The following MDGA2 variants were observed in gnomAD, a reference collection of about 807,000 sequenced individuals.
The protein encoded by MDGA2 is MAM domain-containing glycosylphosphatidylinositol anchor protein 2.
A neutral mutation model predicts 117.8 loss-of-function variants in MDGA2; 40 were observed. The observed-to-expected ratio is 0.34, with a 90% CI of 0.26 to 0.44. The LOEUF is 0.44. Ranked by LOEUF, MDGA2 falls within the 20% of genes least tolerant of loss-of-function variation. The pLI is 1.00. For missense variants in MDGA2, 1,123 were observed against 1,250.6 expected (o/e 0.90, Z 1.54); for synonymous variants, 452 against 439.0 (o/e 1.03, Z -0.37).
intron 8 of MDGA2, among the ~76,000 whole-genome samples, chr14:47,005,980 C>A (rs111774470): frequency 1.9e-4 from 29 of 151,578 alleles, no homozygotes; most frequent in African/African-American, 6.5e-4. Context: ...AGCTGATTGT[C>A]AGAGGATTAC....
intron 13 of MDGA2, 98 bp downstream of exon 13, chr14:46,873,947 T>G: frequency 9.4e-7 from 1 of 1,066,090 alleles, no homozygotes; most frequent in Admixed American, 2.8e-5. Flanking sequence ...TTTTATTCCA[T>G]AATCTTCAAA....
At chr14:47,637,446 T>A (rs561404924) in intron 1 of MDGA2, among the ~76,000 whole-genome samples, 46 of 152,370 alleles carry the variant, frequency 3.0e-4, no homozygotes, top group African/African-American at 1.0e-3. Flanking sequence ...TCCTAATAGC[T>A]AAGTTCCTCC....
chr14:47,464,932 C>T (rs777584278), intron 1 of MDGA2, among the ~76,000 whole-genome samples: 2 of 152,054 alleles, frequency 1.3e-5, no homozygotes, highest in Non-Finnish European at 2.9e-5. Flanking sequence ...AGAGTCATCA[C>T]ATTACCAAAC....
In MDGA2 at chr14:47,423,987, A is replaced by G. The variant is rs576742233; in HGVS notation, c.281-122437T>C. Among the ~76,000 whole-genome samples the G allele has an allele frequency of 3.1e-3, 473 of 151,852 alleles. 1 individual carries two copies. Among genetic ancestry groups the G allele is most frequent in the African/African-American group, 0.011 (450 of 41,438 alleles). On this transcript the variant is annotated intron_variant, in intron 1 of 16. Coordinates refer to ENST00000399232, the MANE Select transcript of MDGA2 (RefSeq NM_001113498.3). ...GCCACCATACCTGGCTAATTTTTGT[A>G]TTTTTAGTGGAAACAGGGTTTCACC...
intron 3 of MDGA2, among the ~76,000 whole-genome samples, chr14:47,170,701 TATC>T (rs1301298150): frequency 6.6e-6 from 1 of 152,176 alleles, no homozygotes; most frequent in East Asian, 1.9e-4. Flanking sequence ...GATACAGAGT[TATC>T]ATATTAAAAT....
intron 8 of MDGA2, among the ~76,000 whole-genome samples, chr14:47,016,848 G>A (rs1478748136): frequency 6.6e-6 from 1 of 151,908 alleles, no homozygotes; most frequent in African/African-American, 2.4e-5. Flanking sequence ...CAAGTTAACA[G>A]GAAATTATGG....
At chr14:47,271,927 T>A (rs1014480932) in intron 2 of MDGA2, among the ~76,000 whole-genome samples, 2 of 152,118 alleles carry the variant, frequency 1.3e-5, no homozygotes, top group African/African-American at 4.8e-5. Flanking sequence ...CACTTTTAAG[T>A]TGATAGTTTG....
Position 47,335,528 on chromosome 14 carries a change from T to C in MDGA2, c.281-33978A>G, listed in dbSNP as rs371365148. On this transcript the variant is annotated intron_variant, in intron 1 of 16. Transcript: ENST00000399232. ...ATCATGCAGACTGAGGGGACAGTCA[T>C]GGCAAATAAGGTCAACAGTTACAGG... Among the ~76,000 whole-genome samples, 7 of 151,362 alleles carry C rather than the reference T, an allele frequency of 4.6e-5. No individual in the cohort carries two copies. In the South Asian group the frequency reaches 1.3e-3, roughly 27 times the overall value.
intron 2 of MDGA2, among the ~76,000 whole-genome samples, chr14:47,225,739 C>G (rs1042660998): frequency 1.6e-4 from 25 of 151,826 alleles, no homozygotes; most frequent in African/African-American, 5.6e-4. Context: ...GTGCAGCGCA[C>G]CAGCATGGCA....
Position 47,061,495 on chromosome 14 carries a change from A to G in MDGA2, c.1279T>C (p.Ser427Pro). 6.2e-7 allele frequency: 1 copy of G among 1,613,446 alleles called. No homozygotes were observed. The highest frequency in any genetic ancestry group is 8.5e-7 in the Non-Finnish European group (1 of 1,179,586). Residue 427 changes from serine (S) to proline (P), a missense_variant, in exon 7 of 17, where the codon TCT (serine) becomes CCT (proline). Ser to Pro is a moderately conservative substitution (Grantham distance 74). Around this residue, in one of 2 missense-constraint regions of MDGA2, gnomAD observed 890 missense variants for 1,050.3 expected, o/e 0.85. Coordinates refer to ENST00000399232, the MANE Select transcript of MDGA2 (RefSeq NM_001113498.3). ...GAAGGAACAGCTTCTACTTGGCAAG[A>G]TATTTTCACCTCACGGCCAATCTGG... ...NIQIGREVKI[S>P]CQVEAVPSEE...
At chr14:46,985,801 A>G (rs771238196) in intron 8 of MDGA2, among the ~76,000 whole-genome samples, 26 of 152,078 alleles carry the variant, frequency 1.7e-4, no homozygotes, top group Non-Finnish European at 3.7e-4. Context: ...CATAATTTCA[A>G]TGAACAGGTT....
intron 1 of MDGA2, among the ~76,000 whole-genome samples, chr14:47,387,336 C>G (rs1891784544): frequency 6.6e-6 from 1 of 152,036 alleles, no homozygotes; most frequent in Non-Finnish European, 1.5e-5. Context: ...AAACCCACCC[C>G]TCTATCTTTT....
At chr14:47,511,367 AT>A (rs1894636671) in intron 1 of MDGA2, among the ~76,000 whole-genome samples, 1 of 152,206 alleles carries the variant, frequency 6.6e-6, no homozygotes, top group Non-Finnish European at 1.5e-5. Context: ...ATAATTAGAC[AT>A]TTAAAAATTT....
intron 3 of MDGA2, among the ~76,000 whole-genome samples, chr14:47,158,266 G>T (rs1883482075): frequency 6.6e-6 from 1 of 151,794 alleles, no homozygotes; most frequent in African/African-American, 2.4e-5. Context: ...GTGTGTAGTG[G>T]GCTATACCAT....
At chr14:47,353,214 T>C (rs1460306643) in intron 1 of MDGA2, among the ~76,000 whole-genome samples, 1 of 152,152 alleles carries the variant, frequency 6.6e-6, no homozygotes, top group Non-Finnish European at 1.5e-5. Context: ...ATCTTAAATC[T>C]CCACCCAGGG....
chr14:47,564,341 G>A (rs557430631), intron 1 of MDGA2, among the ~76,000 whole-genome samples: 1 of 152,236 alleles, frequency 6.6e-6, no homozygotes, highest in African/African-American at 2.4e-5. Context: ...CTGAGGCTGG[G>A]CAATTTGCTA....
At chr14:47,390,486 G>A (rs1891869715) in intron 1 of MDGA2, among the ~76,000 whole-genome samples, 1 of 152,128 alleles carries the variant, frequency 6.6e-6, no homozygotes, top group South Asian at 2.1e-4. Flanking sequence ...TAGCTAATAT[G>A]ACAATATGCA....
chr14:47,429,334 A>T (rs1892753818), intron 1 of MDGA2, among the ~76,000 whole-genome samples: 1 of 152,144 alleles, frequency 6.6e-6, no homozygotes, highest in South Asian at 2.1e-4. Flanking sequence ...GTCAAAGGAG[A>T]AAGACAGTTT....
intron 1 of MDGA2, among the ~76,000 whole-genome samples, chr14:47,520,146 C>T (rs1237130858): frequency 6.6e-6 from 1 of 152,184 alleles, no homozygotes. Context: ...GGAAGCATCA[C>T]ATCATCAAAT....
Sources: gnomAD v4.1 joint callset for allele counts (sites outside exome capture counted in the v4.1 genomes callset) on GRCh38, gnomAD v4.1.1 for gene constraint, gnomAD v4.1.1 regional missense constraint, MANE v1.5 for transcripts, NCBI Gene and HGNC (gene_info 2026-07-23, HGNC 2026-07-21) for gene names.